Variants in CTNNA3 observed in about 807,000 individuals in gnomAD.
The protein encoded by CTNNA3 is catenin alpha-3.
Under a neutral mutation model 95.7 loss-of-function variants are expected in CTNNA3, and 76 were observed. That is an observed-to-expected ratio of 0.79 (90% CI 0.66 to 0.96). CTNNA3 has a LOEUF of 0.96. CTNNA3 is among the 40% of genes least tolerant of loss of function. The pLI is 0.00. For missense variants in CTNNA3, 1,191 were observed against 1,089.8 expected (o/e 1.09, Z -1.31); for synonymous variants, 431 against 374.4 (o/e 1.15, Z -1.74).
intron 13 of CTNNA3, among the ~76,000 whole-genome samples, chr10:66,136,268 T>C (rs954050110): frequency 6.6e-6 from 1 of 152,234 alleles, no homozygotes; most frequent in Non-Finnish European, 1.5e-5. Context: ...AAATCAATTC[T>C]CAAAGAATAT....
chr10:66,367,679 TGGAAGCCG>T (rs2092719734), intron 12 of CTNNA3, among the ~76,000 whole-genome samples: 1 of 149,416 alleles, frequency 6.7e-6, no homozygotes, highest in Admixed American at 6.7e-5. Flanking sequence ...CTGATAGCAG[TGGAAGCCG>T]AATTTTAAAA....
chr10:66,493,597 G>GCATTTTTT (rs1839996833), intron 11 of CTNNA3, among the ~76,000 whole-genome samples: 4 of 119,560 alleles, frequency 3.3e-5, no homozygotes, highest in African/African-American at 1.3e-4. Context: ...TTTAACTACA[G>GCATTTTTT]TATTTTTTTT....
chr10:66,099,853 T>C (rs986588154), intron 14 of CTNNA3, among the ~76,000 whole-genome samples: 31 of 152,134 alleles, frequency 2.0e-4, no homozygotes, highest in Admixed American at 2.0e-3. Context: ...GGACTTATCA[T>C]AACTTTATTT....
intron 5 of CTNNA3, among the ~76,000 whole-genome samples, chr10:67,455,723 T>C (rs1490655832): frequency 2.6e-5 from 4 of 152,122 alleles, no homozygotes; most frequent in African/African-American, 9.6e-5. Context: ...TTCTACAAAA[T>C]GCCTGACCAG....
intron 15 of CTNNA3, among the ~76,000 whole-genome samples, chr10:66,000,766 AAG>A (rs1177892960): frequency 7.2e-5 from 11 of 152,164 alleles, no homozygotes; most frequent in African/African-American, 2.7e-4. Context: ...AATAATCATT[AAG>A]TTTATAGCAC....
chr10:66,279,972 G>T lies in CTNNA3; in HGVS notation c.1884+498C>A, dbSNP rs1332551228. On this transcript the variant is annotated intron_variant, in intron 13 of 17. Transcript: ENST00000433211. ...CCCCAAACAGACAACTCCCAGACTG[G>T]GACCCTTGAAGTGTTTGTTGTTGCC... Among the ~76,000 whole-genome samples the T allele has an allele frequency of 4.6e-5, 7 of 151,928 alleles. No individual in the cohort carries two copies. In the East Asian group the frequency reaches 9.7e-4, roughly 21 times the overall value.
At chr10:66,053,278 G>T (rs2080001521) in intron 15 of CTNNA3, among the ~76,000 whole-genome samples, 1 of 151,880 alleles carries the variant, frequency 6.6e-6, no homozygotes, top group Non-Finnish European at 1.5e-5. Context: ...CCATCTCAAA[G>T]AAATGATATT....
chr10:66,693,742 A>G (rs1021345738), intron 9 of CTNNA3, among the ~76,000 whole-genome samples: 3 of 152,252 alleles, frequency 2.0e-5, no homozygotes, highest in Non-Finnish European at 4.4e-5. Flanking sequence ...ATAAAAGAAC[A>G]TAAATTATAA....
chr10:66,101,730 C>G (rs2081640325), intron 14 of CTNNA3, among the ~76,000 whole-genome samples: 1 of 151,960 alleles, frequency 6.6e-6, no homozygotes, highest in African/African-American at 2.4e-5. Flanking sequence ...AAATATTTTA[C>G]ATAATATGTT....
intron 7 of CTNNA3, chr10:66,926,692 T>C (rs932466097): frequency 1.9e-5 from 26 of 1,343,914 alleles, no homozygotes; most frequent in Non-Finnish European, 2.5e-5. Context: ...TACCTTGCTC[T>C]GCTCTAAGAC....
chr10:66,520,870 T>C (rs1007265787), intron 10 of CTNNA3, 97 bp from the exon 11 acceptor site: 2 of 587,088 alleles, frequency 3.4e-6, no homozygotes, highest in African/African-American at 2.0e-5. Context: ...CACTATGCAA[T>C]ATATTCATGT....
At chr10:66,408,589 T>G (rs1298709885) in intron 11 of CTNNA3, among the ~76,000 whole-genome samples, 1 of 152,160 alleles carries the variant, frequency 6.6e-6, no homozygotes, top group African/African-American at 2.4e-5. Context: ...GTACAAAGTA[T>G]CCTACCTAGG....
chr10:66,187,425 C>T (rs141515792), intron 13 of CTNNA3, among the ~76,000 whole-genome samples: 13 of 150,102 alleles, frequency 8.7e-5, no homozygotes, highest in South Asian at 2.1e-4. Context: ...CCACACTTAA[C>T]GCTTACAAGT....
chr10:67,505,036 A>T (rs569484616), intron 5 of CTNNA3, among the ~76,000 whole-genome samples: 1 of 152,302 alleles, frequency 6.6e-6, no homozygotes, highest in South Asian at 2.1e-4. Context: ...AGGCCAACAA[A>T]AACTTCCTGT....
rs10822691 is a variant in CTNNA3, at chr10:66,006,444, A to G, written c.2160-17647T>C. On this transcript the variant is annotated intron_variant, in intron 15 of 17. Transcript: ENST00000433211. The stretch of plus-strand genomic sequence containing the variant: ...TTCGTTGACACCCTCTCTGGACACA[A>G]TGGGAAATCTGTACTCAGCACCAAC... 0.015 allele frequency among the ~76,000 whole-genome samples: 2,348 copies of G among 152,230 alleles called. 129 individuals carry two copies. In the East Asian group the frequency reaches 0.2, roughly 13 times the overall value.
chr10:67,668,626 C>T (rs981912905), intron 1 of CTNNA3, among the ~76,000 whole-genome samples: 1 of 152,080 alleles, frequency 6.6e-6, no homozygotes, highest in African/African-American at 2.4e-5. Context: ...TACAGCAGGA[C>T]ATGCTGGACA....
intron 5 of CTNNA3, among the ~76,000 whole-genome samples, chr10:67,221,627 T>A (rs1268244507): frequency 6.6e-6 from 1 of 152,036 alleles, no homozygotes; most frequent in East Asian, 1.9e-4. Context: ...GAGGCTGGAG[T>A]ACAGTGGCGC....
At chr10:66,177,361 GT>G (rs1033261503) in intron 13 of CTNNA3, among the ~76,000 whole-genome samples, 33 of 151,658 alleles carry the variant, frequency 2.2e-4, no homozygotes, top group Non-Finnish European at 2.9e-5. Flanking sequence ...GATTCACTAG[GT>G]CCAAAAAATG....
At chr10:67,722,233 TCTGA>T (rs1589580701) in intron 1 of CTNNA3, among the ~76,000 whole-genome samples, 1 of 152,198 alleles carries the variant, frequency 6.6e-6, no homozygotes, top group Non-Finnish European at 1.5e-5. Context: ...TCACAGGATC[TCTGA>T]CTATTAGTTT....
Sources: gnomAD v4.1 joint callset for allele counts (sites outside exome capture counted in the v4.1 genomes callset) on GRCh38, gnomAD v4.1.1 for gene constraint, MANE v1.5 for transcripts, NCBI Gene and HGNC (gene_info 2026-07-23, HGNC 2026-07-21) for gene names.